The following SHANK2 variants were observed in gnomAD, a reference collection of about 807,000 sequenced individuals.
The protein encoded by SHANK2 is SH3 and multiple ankyrin repeat domains protein 2.
A neutral mutation model predicts 133.7 loss-of-function variants in SHANK2; 43 were observed. The observed-to-expected ratio is 0.32, with a 90% CI of 0.25 to 0.41. The LOEUF is 0.41. SHANK2 is among the 10% of genes least tolerant of loss of function. SHANK2 has a pLI of 1.00. For synonymous variants in SHANK2, 1,017 were observed against 952.8 expected, an observed-to-expected ratio of 1.07 and a Z score of -1.24; for missense variants, 1,994 against 2,235.8, an observed-to-expected ratio of 0.89 and a Z score of 2.18.
chr11:70,884,140 C>A (rs935450349), intron 11 of SHANK2, among the ~76,000 whole-genome samples: 6 of 152,224 alleles, frequency 3.9e-5, no homozygotes, highest in Non-Finnish European at 8.8e-5. Context: ...CCAGGGCACA[C>A]CCTGTGAATG....
chr11:70,950,990 A>G (rs1023743817), intron 10 of SHANK2: 7 of 172,652 alleles, frequency 4.1e-5, no homozygotes, highest in Non-Finnish European at 7.4e-5. Context: ...TTGAAGGCAC[A>G]TTAAGACTAC....
intron 11 of SHANK2, among the ~76,000 whole-genome samples, chr11:70,822,394 G>A (rs1326786394): frequency 6.6e-6 from 1 of 152,268 alleles, no homozygotes; most frequent in African/African-American, 2.4e-5. Flanking sequence ...TGGCAGTGAC[G>A]AAGCTCTTGG....
rs1248219644 is a variant in SHANK2, at chr11:71,118,837, A to T, written c.403T>A (p.Ser135Thr). The change falls in exon 4 of 26, where the codon TCC (serine) becomes ACC (threonine). Residue 135 changes from serine (S) to threonine (T), a missense_variant. Physicochemically the swap from Ser to Thr is moderately conservative, Grantham distance 58. Transcript: ENST00000601538. ...TGTGGGCTGAAATATACCTCCAGGG[A>T]AGGAACGCCCTCACCCACGGGCTGT... ...YPQPVGEGVP[S>T]LEFRYKKRVY... is the part of the protein sequence containing the mutation. 2 of 1,548,032 alleles carry T rather than the reference A, an allele frequency of 1.3e-6. No homozygotes were observed. Among genetic ancestry groups the T allele is most frequent in the East Asian group, 4.9e-5 (2 of 40,872 alleles).
chr11:70,484,635 A>G (rs1393987681), intron 25 of SHANK2, among the ~76,000 whole-genome samples: 1 of 152,240 alleles, frequency 6.6e-6, no homozygotes, highest in Non-Finnish European at 1.5e-5. Context: ...GGTTGCGTCT[A>G]GAAATGACTC....
chr11:71,232,136 C>T (rs534740447), intron 1 of SHANK2, among the ~76,000 whole-genome samples: 1 of 152,146 alleles, frequency 6.6e-6, no homozygotes, highest in African/African-American at 2.4e-5. Context: ...AGGCTACTTA[C>T]TGTGTGATTC....
chr11:70,873,279 C>A (rs1415899992), intron 11 of SHANK2, among the ~76,000 whole-genome samples: 1 of 152,222 alleles, frequency 6.6e-6, no homozygotes, highest in Non-Finnish European at 1.5e-5. Flanking sequence ...TCTGACAAAA[C>A]CCATGAGGAA....
intron 17 of SHANK2, among the ~76,000 whole-genome samples, chr11:70,632,098 A>T (rs1555002415): frequency 6.6e-6 from 1 of 152,188 alleles, no homozygotes; most frequent in African/African-American, 2.4e-5. Context: ...TTGTCCTTCA[A>T]TCAGGGAAGA....
intron 14 of SHANK2, among the ~76,000 whole-genome samples, chr11:70,708,783 T>C (rs982007288): frequency 7.9e-5 from 12 of 152,164 alleles, no homozygotes; most frequent in Non-Finnish European, 2.9e-5. Flanking sequence ...CGTCCCAAAT[T>C]TACTTTTGTA....
At chr11:70,828,959 G>A (rs1555057751) in intron 11 of SHANK2, among the ~76,000 whole-genome samples, 21 of 152,260 alleles carry the variant, frequency 1.4e-4, no homozygotes. Context: ...TGCTGCCTCT[G>A]CGGCCTGCCA....
intron 10 of SHANK2, chr11:70,933,167 G>A (rs1311510751): frequency 4.4e-6 from 2 of 456,542 alleles, no homozygotes; most frequent in Admixed American, 2.3e-5. Context: ...CCATGCAGGT[G>A]GAATATTATT....
chr11:70,646,717 G>C lies in SHANK2; in HGVS notation c.2061+13111C>G, dbSNP rs531119766. On this transcript the variant is annotated intron_variant, in intron 17 of 25. Transcript: ENST00000601538. ...CCTAACCCCACGTGGTCCAGTCCTT[G>C]TTGGAAAGATTTTCAAGGAATCACA... Among the ~76,000 whole-genome samples the C allele has an allele frequency of 6.6e-5, 10 of 152,308 alleles. No individual in the cohort carries two copies. The East Asian group carries it at 1.9e-3, about 29-fold the overall frequency.
intron 7 of SHANK2, among the ~76,000 whole-genome samples, chr11:71,093,187 G>T (rs1332994224): frequency 1.3e-5 from 2 of 152,128 alleles, no homozygotes; most frequent in African/African-American, 4.8e-5. Flanking sequence ...CCTCGGCCTG[G>T]TCAACATTTT....
At chr11:71,179,797 G>A (rs1210637780) in intron 2 of SHANK2, among the ~76,000 whole-genome samples, 5 of 152,130 alleles carry the variant, frequency 3.3e-5, no homozygotes, top group Admixed American at 3.3e-4. Context: ...ATGAATGATT[G>A]GAAGTTGAAA....
intron 17 of SHANK2, among the ~76,000 whole-genome samples, chr11:70,578,604 G>A (rs1461995643): frequency 2.0e-5 from 3 of 152,166 alleles, no homozygotes; most frequent in Non-Finnish European, 4.4e-5. Flanking sequence ...CCCCGAGAAG[G>A]TGGGGGGCCC....
At position 71,147,159 on chromosome 11, in the gene SHANK2, C is replaced by CAA; in HGVS notation, c.167_168insTT (p.Leu57CysfsTer3). 6.5e-7 allele frequency: 1 copy of CAA among 1,550,244 alleles called. No individual in the cohort carries two copies. Among genetic ancestry groups the CAA allele is most frequent in the Non-Finnish European group, 8.7e-7 (1 of 1,146,924 alleles). On this transcript the variant is annotated frameshift_variant, in exon 3 of 26. Coordinates refer to ENST00000601538, the MANE Select transcript of SHANK2 (RefSeq NM_012309.5). LOFTEE classifies it high-confidence loss of function. ...CATGGATGACCACGCGGATCACCAGCGTGTTGCCCTGGCTCTCCTCCGTCC... is the reference window on the plus strand; with the variant it reads ...CATGGATGACCACGCGGATCACCAGCAAGTGTTGCCCTGGCTCTCCTCCGTCC...
At chr11:70,750,384 A>C (rs1946729026) in intron 14 of SHANK2, among the ~76,000 whole-genome samples, 1 of 152,166 alleles carries the variant, frequency 6.6e-6, no homozygotes. Flanking sequence ...CAGGCACCTA[A>C]AACTCTGGAG....
At chr11:70,651,260 G>A (rs1296711649) in intron 17 of SHANK2, among the ~76,000 whole-genome samples, 3 of 152,140 alleles carry the variant, frequency 2.0e-5, no homozygotes, top group Non-Finnish European at 4.4e-5. Flanking sequence ...TGAAATCACT[G>A]ATGCTTCAAA....
chr11:70,531,175 A>C lies in SHANK2; in HGVS notation c.2062-28244T>G, dbSNP rs60829712. ...TGTCTCAAAAAAAAAAAAAAAAAAAAAAAAAACAAAAAGGCTAAGATTATA... is the reference window on the plus strand; with the variant it reads ...TGTCTCAAAAAAAAAAAAAAAAAAACAAAAAACAAAAAGGCTAAGATTATA... On this transcript the variant is annotated intron_variant, in intron 17 of 25. Coordinates refer to ENST00000601538, the MANE Select transcript of SHANK2 (RefSeq NM_012309.5). Among the ~76,000 whole-genome samples the C allele has an allele frequency of 5.7e-3, 826 of 144,810 alleles. 6 individuals carry two copies. Among genetic ancestry groups the C allele is most frequent in the Non-Finnish European group, 8.3e-3 (547 of 65,708 alleles).
chr11:70,681,376 C>T (rs1945026399), intron 15 of SHANK2, among the ~76,000 whole-genome samples: 2 of 152,306 alleles, frequency 1.3e-5, no homozygotes, highest in South Asian at 2.1e-4. Context: ...CCGCCAGCCT[C>T]AGCGGTAACC....
Sources: allele counts gnomAD v4.1 joint callset (sites outside exome capture counted in the v4.1 genomes callset), GRCh38; gene constraint gnomAD v4.1.1; transcripts MANE v1.5; gene names NCBI Gene and HGNC (gene_info 2026-07-23, HGNC 2026-07-21).